Variants in CCSER1 observed in about 807,000 individuals in gnomAD.
The protein encoded by CCSER1 is serine-rich coiled-coil domain-containing protein 1.
A neutral mutation model predicts 82.0 loss-of-function variants in CCSER1; 41 were observed. That is an observed-to-expected ratio of 0.50 (90% CI 0.39 to 0.65). The LOEUF is 0.65. Among genes scored for constraint, CCSER1 ranks in the 30% least tolerant of loss-of-function variants. CCSER1 has a pLI of 0.00. For synonymous variants in CCSER1, 414 were observed against 383.9 expected, an observed-to-expected ratio of 1.08 and a Z score of -0.92; for missense variants, 1,119 against 1,064.2, an observed-to-expected ratio of 1.05 and a Z score of -0.72.
chr4:90,839,631 C>A (rs914304124), intron 8 of CCSER1, among the ~76,000 whole-genome samples: 2 of 152,178 alleles, frequency 1.3e-5, no homozygotes, highest in Admixed American at 1.3e-4. Context: ...AAGCCCACAT[C>A]TACAGATCAA....
At chr4:90,964,731 C>CAA (rs71596540) in intron 9 of CCSER1, among the ~76,000 whole-genome samples, 7,813 of 76,000 alleles carry the variant, frequency 0.1, 814 homozygotes, top group African/African-American at 0.23. Context: ...ACTCTGTCTC[C>CAA]AAAAAAAAAA....
At chr4:90,176,326 GA>G (rs1732653208) in intron 1 of CCSER1, among the ~76,000 whole-genome samples, 1 of 151,996 alleles carries the variant, frequency 6.6e-6, no homozygotes, top group Non-Finnish European at 1.5e-5. Flanking sequence ...CTAATTTGTA[GA>G]AGAGCTTTAG....
At chr4:90,637,923 C>T (rs188953625) in intron 6 of CCSER1, among the ~76,000 whole-genome samples, 18 of 152,256 alleles carry the variant, frequency 1.2e-4, no homozygotes, top group Non-Finnish European at 1.3e-4. Flanking sequence ...AAAGACCAAA[C>T]TTGGAAAGTG....
chr4:90,761,512 C>T (rs751462970), intron 7 of CCSER1, among the ~76,000 whole-genome samples: 11 of 152,040 alleles, frequency 7.2e-5, no homozygotes, highest in Non-Finnish European at 1.6e-4. Context: ...ATTTGGCCTC[C>T]GAGTTATAGG....
intron 8 of CCSER1, among the ~76,000 whole-genome samples, chr4:90,898,623 G>A (rs1724121825): frequency 2.0e-5 from 3 of 151,780 alleles, no homozygotes; most frequent in Admixed American, 6.6e-5. Flanking sequence ...AATTTTTGTA[G>A]TATGTTGAGA....
chr4:91,180,950 C>T (rs1241438127), intron 10 of CCSER1, among the ~76,000 whole-genome samples: 2 of 152,310 alleles, frequency 1.3e-5, no homozygotes, highest in Middle Eastern at 3.4e-3. Context: ...GGCTAGTTAA[C>T]TGCAGCAGGA....
intron 1 of CCSER1, among the ~76,000 whole-genome samples, chr4:90,258,319 C>T (rs1428970356): frequency 6.6e-6 from 1 of 152,126 alleles, no homozygotes; most frequent in Non-Finnish European, 1.5e-5. Flanking sequence ...TTGAGATCAT[C>T]TTGGCCAACA....
rs1345678130 is a variant in CCSER1 at position 91,602,694 on chromosome 4, T to TAAGA, written c.*3638_*3641dup. On this transcript the variant is annotated 3_prime_UTR_variant, in exon 11 of 11. Coordinates refer to ENST00000509176, the MANE Select transcript of CCSER1 (RefSeq NM_001145065.2). ...AGAAGGAAGTGGTTCAAAATAACCC[T>TAAGA]AAGATTCCATTGAAACATATACACA... Among the ~76,000 whole-genome samples, 1 of 151,998 alleles carries TAAGA rather than the reference T, an allele frequency of 6.6e-6. No homozygotes were observed. Among genetic ancestry groups the TAAGA allele is most frequent in the Non-Finnish European group, 1.5e-5 (1 of 67,924 alleles).
At chr4:91,574,757 G>A (rs1232498459) in intron 10 of CCSER1, among the ~76,000 whole-genome samples, 3 of 151,936 alleles carry the variant, frequency 2.0e-5, no homozygotes, top group Non-Finnish European at 4.4e-5. Context: ...GGGAGGAGGG[G>A]AAAGAGTTTT....
intron 6 of CCSER1, among the ~76,000 whole-genome samples, chr4:90,660,972 G>A (rs893295623): frequency 3.3e-5 from 5 of 151,994 alleles, no homozygotes; most frequent in Non-Finnish European, 7.4e-5. Context: ...GCTCAATAAA[G>A]GTAAAAGGTG....
At chr4:91,270,164 C>A (rs1360103972) in intron 10 of CCSER1, among the ~76,000 whole-genome samples, 1 of 152,148 alleles carries the variant, frequency 6.6e-6, no homozygotes, top group African/African-American at 2.4e-5. Context: ...TAAAGAGTTA[C>A]TTAAGAATTT....
chr4:91,081,300 A>G (rs946623050), intron 9 of CCSER1, among the ~76,000 whole-genome samples: 1 of 152,214 alleles, frequency 6.6e-6, no homozygotes, highest in Non-Finnish European at 1.5e-5. Context: ...AGAACCAAAG[A>G]CAAAAACCAC....
intron 3 of CCSER1, among the ~76,000 whole-genome samples, chr4:90,356,995 A>G (rs984468250): frequency 1.3e-5 from 2 of 151,966 alleles, no homozygotes; most frequent in Non-Finnish European, 2.9e-5. Flanking sequence ...TATTTGGAAT[A>G]TTTAAGTATA....
chr4:90,396,235 T>G (rs1751938063), intron 3 of CCSER1, among the ~76,000 whole-genome samples: 1 of 152,240 alleles, frequency 6.6e-6, no homozygotes, highest in Non-Finnish European at 1.5e-5. Flanking sequence ...ATTTATCAAA[T>G]GTCTGAAATG....
At position 90,463,740 on chromosome 4, in the gene CCSER1, T is replaced by A. The variant is rs1028553293; in HGVS notation, c.1604-4494T>A. 4.6e-5 allele frequency among the ~76,000 whole-genome samples: 7 copies of A among 152,178 alleles called. 2 individuals are homozygous for A. Among genetic ancestry groups the A allele is most frequent in the South Asian group, 4.1e-4 (2 of 4,828 alleles). On this transcript the variant is annotated intron_variant, in intron 4 of 10. Coordinates refer to ENST00000509176, the MANE Select transcript of CCSER1 (RefSeq NM_001145065.2). ...GAGTGGTGATCTCAAATGTAATAAA[T>A]ATGTATAAATAAAATATAATACAAG...
chr4:91,316,235 T>A (rs971619606), intron 10 of CCSER1, among the ~76,000 whole-genome samples: 1 of 151,964 alleles, frequency 6.6e-6, no homozygotes, highest in African/African-American at 2.4e-5. Context: ...AGCGTGAGAA[T>A]GAAATAACAC....
chr4:90,905,032 CT>C (rs1174400751), intron 8 of CCSER1, among the ~76,000 whole-genome samples: 1 of 152,054 alleles, frequency 6.6e-6, no homozygotes, highest in African/African-American at 2.4e-5. Context: ...TTACTGTTCC[CT>C]TTTGCTAAAC....
chr4:90,914,984 A>T (rs1581058958), intron 8 of CCSER1, among the ~76,000 whole-genome samples: 1 of 152,296 alleles, frequency 6.6e-6, no homozygotes, highest in South Asian at 2.1e-4. Flanking sequence ...GAATCTCTGA[A>T]TAGACCAATA....
intron 1 of CCSER1, among the ~76,000 whole-genome samples, chr4:90,189,286 A>G (rs1423612488): frequency 6.6e-6 from 1 of 151,924 alleles, no homozygotes; most frequent in African/African-American, 2.4e-5. Context: ...TACAAGTACA[A>G]TACAATGTGG....
Sources: gnomAD v4.1 joint callset for allele counts (sites outside exome capture counted in the v4.1 genomes callset) on GRCh38, gnomAD v4.1.1 for gene constraint, MANE v1.5 for transcripts, NCBI Gene and HGNC (gene_info 2026-07-23, HGNC 2026-07-21) for gene names.